The following PTPRD variants were observed in gnomAD, a reference collection of about 807,000 sequenced individuals.
The protein encoded by PTPRD is protein tyrosine phosphatase receptor type D, also known as receptor-type tyrosine-protein phosphatase delta.
PTPRD carries 34 observed loss-of-function variants against 214.5 expected under a neutral mutation model. That is an observed-to-expected ratio of 0.16 (90% CI 0.12 to 0.21). The LOEUF (loss-of-function observed/expected upper bound fraction) is 0.21, where lower values mean the gene tolerates loss of function less well. PTPRD is among the 10% of genes least tolerant of loss of function. The pLI, the probability that PTPRD is intolerant of heterozygous loss-of-function variation, is 1.00. For missense variants in PTPRD, 2,545 were observed against 2,398.7 expected, an observed-to-expected ratio of 1.06 and a Z score of -1.27; for synonymous variants, 1,128 against 845.7, an observed-to-expected ratio of 1.33 and a Z score of -5.79.
chr9:10,400,796 T>C (rs1304950913), intron 2 of PTPRD, among the ~76,000 whole-genome samples: 2 of 151,648 alleles, frequency 1.3e-5, no homozygotes, highest in African/African-American at 4.8e-5. Context: ...TTATTGTCCC[T>C]CATAACCAAT....
chr9:9,887,709 T>C (rs2071500130), intron 5 of PTPRD, among the ~76,000 whole-genome samples: 1 of 152,088 alleles, frequency 6.6e-6, no homozygotes, highest in African/African-American at 2.4e-5. Flanking sequence ...TTAAAAGTAT[T>C]TAATGGGAGG....
At chr9:9,117,994 C>T (rs1446494769) in intron 10 of PTPRD, among the ~76,000 whole-genome samples, 3 of 152,050 alleles carry the variant, frequency 2.0e-5, no homozygotes, top group Non-Finnish European at 4.4e-5. Context: ...AATTTAACTA[C>T]ACGTTCTTAG....
chr9:8,959,222 C>T (rs547773317), intron 11 of PTPRD, among the ~76,000 whole-genome samples: 1 of 152,030 alleles, frequency 6.6e-6, no homozygotes, highest in Admixed American at 6.6e-5. Flanking sequence ...AAGATGAACC[C>T]TGGAAAAGTT....
chr9:8,437,411 T>G (rs997454447), intron 34 of PTPRD, among the ~76,000 whole-genome samples: 1 of 152,180 alleles, frequency 6.6e-6, no homozygotes, highest in Non-Finnish European at 1.5e-5. Context: ...TTAAGATCGC[T>G]AATATTTCAC....
intron 4 of PTPRD, among the ~76,000 whole-genome samples, chr9:9,954,323 A>T (rs1337582445): frequency 6.7e-6 from 1 of 150,282 alleles, no homozygotes; most frequent in Admixed American, 6.6e-5. Context: ...AAAAAAAAAA[A>T]AGATCATTGT....
At chr9:9,235,420 TAC>T (rs1423151377) in intron 9 of PTPRD, among the ~76,000 whole-genome samples, 1 of 152,196 alleles carries the variant, frequency 6.6e-6, no homozygotes. Context: ...ATTGCACTCC[TAC>T]ATGGCTGTCC....
At chr9:9,870,175 G>A (rs1331921584) in intron 5 of PTPRD, among the ~76,000 whole-genome samples, 11 of 151,822 alleles carry the variant, frequency 7.2e-5, no homozygotes, top group Admixed American at 2.0e-4. Context: ...TGGGTGGATG[G>A]GTTCATGGAG....
chr9:10,228,697 G>T (rs1355298081), intron 3 of PTPRD, among the ~76,000 whole-genome samples: 1 of 149,480 alleles, frequency 6.7e-6, no homozygotes, highest in Non-Finnish European at 1.5e-5. Context: ...AGTAAATAAA[G>T]CTATTGATAG....
At chr9:8,625,664 T>TA (rs926100168) in intron 14 of PTPRD, among the ~76,000 whole-genome samples, 8 of 148,716 alleles carry the variant, frequency 5.4e-5, no homozygotes, top group Admixed American at 4.7e-4. Flanking sequence ...ATCTATCAAT[T>TA]AAAAAAAAAT....
intron 2 of PTPRD, among the ~76,000 whole-genome samples, chr9:10,610,533 T>C (rs1235417022): frequency 6.6e-6 from 1 of 151,970 alleles, no homozygotes; most frequent in Admixed American, 6.6e-5. Context: ...AAATATCAGA[T>C]AGCCTCTCGG....
At chr9:9,257,104 G>A (rs1050444850) in intron 9 of PTPRD, among the ~76,000 whole-genome samples, 3 of 151,832 alleles carry the variant, frequency 2.0e-5, no homozygotes, top group African/African-American at 7.3e-5. Context: ...TGGCCCATAT[G>A]TTGTCAGACT....
chr9:8,457,058 G>T (rs1242517003), intron 33 of PTPRD, among the ~76,000 whole-genome samples: 1 of 152,058 alleles, frequency 6.6e-6, no homozygotes, highest in Non-Finnish European at 1.5e-5. Context: ...ATTTTTTGTT[G>T]GAGTAGATGG....
At position 8,500,779 on chromosome 9, in the gene PTPRD, G is replaced by A. The variant is rs756214335; in HGVS notation, c.2103C>T (p.Ser701=). 5.0e-6 allele frequency: 8 copies of A among 1,614,060 alleles called. No individual in the cohort carries two copies. Among genetic ancestry groups the A allele is most frequent in the Middle Eastern group, 1.7e-4 (1 of 6,058 alleles). ...CATCTTCATTGGTTCGAATCAACAC[G>A]GACAAGCTCTCAGGGCCAGGGCCGA... ...TDVGPGPESL[S]VLIRTNEDVP... The change falls in exon 24 of 46, where the codon TCC becomes TCT. Residue 701 remains serine (S), a synonymous_variant. Coordinates refer to ENST00000381196, the MANE Select transcript of PTPRD (RefSeq NM_002839.4).
chr9:10,026,681 C>T (rs1486720017), intron 4 of PTPRD, among the ~76,000 whole-genome samples: 3 of 152,172 alleles, frequency 2.0e-5, no homozygotes, highest in Non-Finnish European at 4.4e-5. Context: ...ACAGCAAAAT[C>T]TGAACCTCCC....
intron 12 of PTPRD, among the ~76,000 whole-genome samples, chr9:8,697,628 GGCCAGGCTAGTCTCGAACTCC>G (rs1663095530): frequency 6.7e-6 from 1 of 150,166 alleles, no homozygotes; most frequent in Admixed American, 6.7e-5. Flanking sequence ...TCACCATGTT[GGCCAGGCTAGTCTCGAACTCC>G]TGACCTCAAG....
intron 11 of PTPRD, among the ~76,000 whole-genome samples, chr9:8,820,178 G>C (rs1045916087): frequency 2.6e-5 from 4 of 152,012 alleles, no homozygotes; most frequent in Non-Finnish European, 5.9e-5. Flanking sequence ...ATGCATATCT[G>C]TAGCTTTAAT....
intron 9 of PTPRD, among the ~76,000 whole-genome samples, chr9:9,347,283 C>G (rs1321053321): frequency 6.6e-6 from 1 of 150,958 alleles, no homozygotes; most frequent in South Asian, 2.1e-4. Context: ...CTTATACTTT[C>G]TATACTTCAG....
Position 10,248,532 on chromosome 9 carries a change from A to T in PTPRD, c.-545+92431T>A, listed in dbSNP as rs1267000671. Reference sequence around the variant, plus strand: ...ATAGCAAAAAAAAAAAAAAATAAAAAAAATAAAGCGAGAAACCAAAATGAT... The same window carrying T: ...ATAGCAAAAAAAAAAAAAAATAAAATAAATAAAGCGAGAAACCAAAATGAT... On this transcript the variant is annotated intron_variant, in intron 3 of 45. Transcript: ENST00000381196. Among the ~76,000 whole-genome samples, 3 of 146,198 alleles carry T rather than the reference A, an allele frequency of 2.1e-5. 1 individual carries two copies. Among genetic ancestry groups the T allele is most frequent in the Non-Finnish European group, 4.6e-5 (3 of 65,818 alleles).
intron 13 of PTPRD, among the ~76,000 whole-genome samples, chr9:8,635,883 G>C (rs2096415859): frequency 1.3e-5 from 2 of 152,000 alleles, no homozygotes; most frequent in African/African-American, 2.4e-5. Flanking sequence ...TTCTCCTCCA[G>C]AATGAGCAAA....
Sources: allele counts gnomAD v4.1 joint callset (sites outside exome capture counted in the v4.1 genomes callset), GRCh38; gene constraint gnomAD v4.1.1; transcripts MANE v1.5; gene names NCBI Gene and HGNC (gene_info 2026-07-23, HGNC 2026-07-21).